SVIL: variants seen among roughly 807,000 people sequenced by gnomAD.
SVIL encodes the protein archvillin.
Under a neutral mutation model 240.4 loss-of-function variants are expected in SVIL, and 101 were observed. The ratio of observed to expected loss-of-function variants is 0.42; its 90% CI spans 0.36 to 0.50. SVIL has a LOEUF of 0.50. SVIL is among the 20% of genes least tolerant of loss of function. SVIL has a pLI of 0.01. For synonymous variants in SVIL, 999 were observed against 1,100.0 expected (o/e 0.91, Z 1.82); for missense variants, 2,512 against 2,818.7 (o/e 0.89, Z 2.46).
At chr10:29,474,093 G>A (rs901239487) in intron 29 of SVIL, 104 bp from the exon 30 acceptor site, 145 of 1,469,898 alleles carry the variant, frequency 9.9e-5, no homozygotes, top group South Asian at 3.7e-4. Context: ...CAGTGGCAAA[G>A]AGCCTCGGAC....
intron 2 of SVIL, among the ~76,000 whole-genome samples, chr10:29,568,034 A>C (rs538780598): frequency 2.0e-5 from 3 of 151,634 alleles, no homozygotes; most frequent in Non-Finnish European, 2.9e-5. Flanking sequence ...AAAACAAAAA[A>C]AAAAACAAAA....
chr10:29,646,571 C>T (rs1958665152), intron 3 of SVIL, among the ~76,000 whole-genome samples: 1 of 152,216 alleles, frequency 6.6e-6, no homozygotes, highest in African/African-American at 2.4e-5. Flanking sequence ...AGTCCTTTCT[C>T]CCCAGAAACA....
intron 36 of SVIL, among the ~76,000 whole-genome samples, chr10:29,459,988 T>G (rs11007598): frequency 0.095 from 14,410 of 152,014 alleles, 862 homozygotes; most frequent in Non-Finnish European, 0.13. Context: ...CTACTTGGGG[T>G]GGCTGAGGTG....
intron 3 of SVIL, among the ~76,000 whole-genome samples, chr10:29,646,336 G>A (rs1012219541): frequency 6.6e-6 from 1 of 152,198 alleles, no homozygotes; most frequent in Non-Finnish European, 1.5e-5. Flanking sequence ...ATTAAGCAGT[G>A]TCTGATTTCA....
At chr10:29,718,806 A>G (rs923953918) in intron 1 of SVIL, among the ~76,000 whole-genome samples, 5 of 152,162 alleles carry the variant, frequency 3.3e-5, no homozygotes, top group Non-Finnish European at 7.3e-5. Flanking sequence ...GTCTGTTTCC[A>G]CCTGATAGAA....
intron 13 of SVIL, among the ~76,000 whole-genome samples, chr10:29,526,109 C>A (rs369595005): frequency 6.6e-6 from 1 of 152,260 alleles, no homozygotes; most frequent in African/African-American, 2.4e-5. Flanking sequence ...AAAACATCTA[C>A]GTTTAGACAC....
upstream of SVIL, among the ~76,000 whole-genome samples, chr10:29,638,896 A>G (rs1190090262): frequency 6.6e-6 from 1 of 152,154 alleles, no homozygotes; most frequent in Non-Finnish European, 1.5e-5. Flanking sequence ...AACCTGACCA[A>G]CTCTGGAGAA....
intron 1 of SVIL, among the ~76,000 whole-genome samples, chr10:29,614,112 C>T (rs370620059): frequency 1.2e-4 from 18 of 152,094 alleles, no homozygotes; most frequent in African/African-American, 3.9e-4. Context: ...ACAACAGAAC[C>T]TTTTAAAGCC....
intron 1 of SVIL, among the ~76,000 whole-genome samples, chr10:29,696,233 C>T (rs558201084): frequency 2.0e-5 from 3 of 152,042 alleles, no homozygotes; most frequent in South Asian, 4.1e-4. Flanking sequence ...GGATTGCAGA[C>T]GGAGTCTCAT....
At chr10:29,613,910 C>G (rs1957340760) in intron 1 of SVIL, among the ~76,000 whole-genome samples, 1 of 152,174 alleles carries the variant, frequency 6.6e-6, no homozygotes, top group South Asian at 2.1e-4. Flanking sequence ...GCCCAACGAA[C>G]TCATCAGTAA....
chr10:29,568,779 GTGGATGGGTGGATGGA>G (rs1955199723), intron 2 of SVIL, among the ~76,000 whole-genome samples: 1 of 137,868 alleles, frequency 7.3e-6, no homozygotes, highest in Admixed American at 7.3e-5. Flanking sequence ...ACATGGATGG[GTGGATGGGTGGATGGA>G]TGGATGGATG....
intron 21 of SVIL, among the ~76,000 whole-genome samples, chr10:29,492,210 C>G (rs1812273): frequency 0.048 from 7,253 of 152,116 alleles, 255 homozygotes; most frequent in Middle Eastern, 0.075. Flanking sequence ...ATCTTCTATC[C>G]CATTGGCCAC....
intron 2 of SVIL, among the ~76,000 whole-genome samples, chr10:29,683,695 T>C (rs1022615433): frequency 2.0e-5 from 3 of 152,184 alleles, no homozygotes; most frequent in Non-Finnish European, 4.4e-5. Context: ...TTTGATCACA[T>C]CTTCTCCCTC....
chr10:29,538,407 C>A (rs539820016), intron 6 of SVIL, among the ~76,000 whole-genome samples: 5 of 152,330 alleles, frequency 3.3e-5, no homozygotes, highest in African/African-American at 1.2e-4. Context: ...GGTGAATACT[C>A]AAAGTCTGAG....
chr10:29,704,219 C>T (rs1049867937), intron 1 of SVIL, among the ~76,000 whole-genome samples: 2 of 152,134 alleles, frequency 1.3e-5, no homozygotes, highest in African/African-American at 2.4e-5. Flanking sequence ...CCCTCAGCCA[C>T]GTCTGTGCTT....
chr10:29,502,679 G>A (rs1948991204), intron 17 of SVIL, among the ~76,000 whole-genome samples: 1 of 152,122 alleles, frequency 6.6e-6, no homozygotes, highest in African/African-American at 2.4e-5. Context: ...ACATGTGTGT[G>A]TGTGTGTGGG....
intron 1 of SVIL, among the ~76,000 whole-genome samples, chr10:29,617,645 G>A (rs1957477383): frequency 6.6e-6 from 1 of 151,994 alleles, no homozygotes; most frequent in Non-Finnish European, 1.5e-5. Context: ...TCTCCACCAA[G>A]GATGCAGATG....
At chr10:29,639,321 G>A (rs566280605), upstream of SVIL, among the ~76,000 whole-genome samples, 358 of 152,156 alleles carry the variant, frequency 2.4e-3, 1 homozygote, top group Non-Finnish European at 4.1e-3. Context: ...ACAGGTGTGC[G>A]CTAGCACACT....
intron 5 of SVIL, among the ~76,000 whole-genome samples, 185 bp downstream of exon 5, chr10:29,554,598 C>G (rs999904724): frequency 6.6e-6 from 1 of 152,088 alleles, no homozygotes; most frequent in African/African-American, 2.4e-5. Flanking sequence ...AAGGCTGCAG[C>G]GAGCTATGAT....
Sources: allele counts gnomAD v4.1 joint callset (sites outside exome capture counted in the v4.1 genomes callset), GRCh38; gene constraint gnomAD v4.1.1; transcripts MANE v1.5; gene names NCBI Gene and HGNC (gene_info 2026-07-23, HGNC 2026-07-21).